CATSPERE: variants seen among roughly 807,000 people sequenced by gnomAD.
CATSPERE encodes the protein catsper channel auxiliary subunit epsilon, also known as cation channel sperm-associated auxiliary subunit epsilon.
In CATSPERE, 93 loss-of-function variants were observed where a neutral mutation model predicts 114.1. The ratio of observed to expected loss-of-function variants is 0.81; its 90% CI spans 0.69 to 0.97. The LOEUF is 0.97. CATSPERE is among the 50% of genes least tolerant of loss of function. The pLI is 0.00. For synonymous variants in CATSPERE, 341 were observed against 384.1 expected, an observed-to-expected ratio of 0.89 and a Z score of 1.31; for missense variants, 1,058 against 1,131.6, an observed-to-expected ratio of 0.93 and a Z score of 0.93.
At chr1:244,524,143 T>C (rs1370818729) in intron 8 of CATSPERE, among the ~76,000 whole-genome samples, 2 of 148,966 alleles carry the variant, frequency 1.3e-5, no homozygotes, top group Non-Finnish European at 2.9e-5. Flanking sequence ...AACAGAGATA[T>C]AGATCAATGG....
At chr1:244,529,414 C>A (rs1679241957) in intron 8 of CATSPERE, among the ~76,000 whole-genome samples, 1 of 152,174 alleles carries the variant, frequency 6.6e-6, no homozygotes, top group Admixed American at 6.5e-5. Context: ...CTCTAATGAT[C>A]AGTGATGTTG....
At chr1:244,483,900 T>C (rs1670619670) in intron 5 of CATSPERE, among the ~76,000 whole-genome samples, 1 of 152,134 alleles carries the variant, frequency 6.6e-6, no homozygotes, top group Admixed American at 6.5e-5. Flanking sequence ...ATCATAAGGA[T>C]TTCTCCTATA....
chr1:244,577,476 G>A (rs1306918949), intron 11 of CATSPERE, among the ~76,000 whole-genome samples: 1 of 152,234 alleles, frequency 6.6e-6, no homozygotes, highest in East Asian at 1.9e-4. Context: ...CAAACCAGGT[G>A]GCTTATAACA....
upstream of CATSPERE, chr1:244,451,627 C>T (rs1193715793): frequency 6.2e-7 from 1 of 1,605,596 alleles, no homozygotes; most frequent in South Asian, 1.1e-5. The surrounding 1 kb of genome is among the most constrained non-coding windows in gnomAD (Gnocchi z 6.6). Flanking sequence ...GAGGCCCCGT[C>T]GCCTCACCTG....
intron 10 of CATSPERE, among the ~76,000 whole-genome samples, chr1:244,565,527 T>G (rs1217526383): frequency 6.6e-6 from 1 of 152,180 alleles, no homozygotes; most frequent in African/African-American, 2.4e-5. Flanking sequence ...TTTTCTAGTT[T>G]GTTTGCATGG....
In CATSPERE at chr1:244,489,631, C is replaced by T. The variant is rs192072473; in HGVS notation, c.327-816C>T. ...CTATGTGCAGGAGTGATGTAGGTTG[C>T]AGGTCTGCTTGTCATTTTCCAGTGG... On this transcript the variant is annotated intron_variant, in intron 5 of 21. Transcript: ENST00000366534. Among the ~76,000 whole-genome samples the T allele has an allele frequency of 3.6e-4, 55 of 151,832 alleles. No individual in the cohort carries two copies. In the East Asian group the frequency reaches 7.4e-3, roughly 20 times the overall value.
chr1:244,474,529 A>T (rs1305035933), intron 2 of CATSPERE, among the ~76,000 whole-genome samples: 1 of 151,438 alleles, frequency 6.6e-6, no homozygotes, highest in East Asian at 1.9e-4. Context: ...TTGATCAAAT[A>T]TTTGATTATA....
Position 244,575,115 on chromosome 1 carries a change from C to T in CATSPERE, c.1950+2343C>T, listed in dbSNP as rs1041302834. On this transcript the variant is annotated intron_variant, in intron 11 of 21. Coordinates refer to ENST00000366534, the MANE Select transcript of CATSPERE (RefSeq NM_001130957.2). The surrounding 1 kb of genome is among the most constrained non-coding windows in gnomAD (Gnocchi z 4.5). ...GCCAGGCAATGGCATGGGCCCTGCC[C>T]CAGAGCATGTGCCGCCATCTGTCTC... is the stretch of plus-strand genomic sequence containing the variant. Among the ~76,000 whole-genome samples the T allele has an allele frequency of 6.6e-6, 1 of 152,204 alleles. No homozygotes were observed. The highest frequency in any genetic ancestry group is 2.1e-4 in the South Asian group (1 of 4,834).
chr1:244,636,299 G>GT (rs58917371), intron 21 of CATSPERE, among the ~76,000 whole-genome samples: 8,435 of 151,848 alleles, frequency 0.056, 806 homozygotes, highest in African/African-American at 0.19. Flanking sequence ...TGTTTGATGG[G>GT]TTTTTTTTGC....
chr1:244,583,988 AGGCG>A (rs1558541435), intron 13 of CATSPERE, 49 bp downstream of exon 13: 1 of 1,526,756 alleles, frequency 6.5e-7, no homozygotes, highest in East Asian at 2.3e-5. Context: ...AAGAATGTAT[AGGCG>A]GTCAACCAAA....
upstream of CATSPERE, chr1:244,451,870 G>A: frequency 6.7e-7 from 1 of 1,488,086 alleles, no homozygotes; most frequent in Non-Finnish European, 8.9e-7. This position sits in a 1 kb window ranked among gnomAD's most constrained non-coding sequence, Gnocchi z 6.6. Flanking sequence ...CGAGGAGTGA[G>A]CGAACTGAAC....
chr1:244,567,638 G>C (rs1430102000), intron 10 of CATSPERE, among the ~76,000 whole-genome samples: 1 of 151,082 alleles, frequency 6.6e-6, no homozygotes, highest in Non-Finnish European at 1.5e-5. Context: ...GATCGATTTG[G>C]CTATTGATAC....
intron 1 of CATSPERE, among the ~76,000 whole-genome samples, chr1:244,462,637 A>G (rs565681057): frequency 6.6e-6 from 1 of 152,348 alleles, no homozygotes; most frequent in Admixed American, 6.5e-5. Context: ...TCACACTTCA[A>G]AAAAAGCCTT....
chr1:244,609,358 CTTTT>C (rs796211656), intron 18 of CATSPERE, among the ~76,000 whole-genome samples: 1 of 142,712 alleles, frequency 7.0e-6, no homozygotes. Context: ...TTATCACTTC[CTTTT>C]TTTTTTTTTA....
chr1:244,492,740 A>G (rs1276492254), intron 6 of CATSPERE, among the ~76,000 whole-genome samples: 8 of 149,602 alleles, frequency 5.3e-5, no homozygotes, highest in Non-Finnish European at 6.0e-5. Context: ...AAGCAACTTC[A>G]GCAAAGTCTC....
intron 12 of CATSPERE, among the ~76,000 whole-genome samples, chr1:244,583,126 G>A (rs1235165269): frequency 6.6e-6 from 1 of 151,884 alleles, no homozygotes; most frequent in African/African-American, 2.4e-5. Context: ...GGATATTTAT[G>A]GTTTTGTGGA....
At chr1:244,459,134 G>A (rs1055411685), upstream of CATSPERE, among the ~76,000 whole-genome samples, 14 of 148,588 alleles carry the variant, frequency 9.4e-5, no homozygotes, top group African/African-American at 2.2e-4. Flanking sequence ...GCTGGAGTTC[G>A]GTGGCTCAGT....
chr1:244,526,815 G>T (rs1433864438), intron 8 of CATSPERE, among the ~76,000 whole-genome samples: 1 of 152,054 alleles, frequency 6.6e-6, no homozygotes, highest in African/African-American at 2.4e-5. Context: ...GCCAGCCTGA[G>T]AAATAAAGGG....
rs1490913523 is a variant in CATSPERE at position 244,639,992 on chromosome 1, G to C, written c.2767G>C (p.Val923Leu). The C allele has an allele frequency of 3.2e-6, 5 of 1,545,406 alleles. No homozygotes were observed. The highest frequency in any genetic ancestry group is 4.4e-6 in the Non-Finnish European group (5 of 1,145,318). ...VLMLLFFTIL[V>L]LSYFRYMRIY... ...GATGCTGCTCTTCTTCACTATTCTT[G>C]TTTTGAGCTACTTTCGGTACATGAG... The change falls in exon 22 of 22, where the codon GTT (valine) becomes CTT (leucine). Residue 923 changes from valine to leucine, a missense_variant. Val to Leu is a conservative substitution (Grantham distance 32). Coordinates refer to ENST00000366534, the MANE Select transcript of CATSPERE (RefSeq NM_001130957.2).
Sources: gnomAD v4.1 joint callset for allele counts (sites outside exome capture counted in the v4.1 genomes callset) on GRCh38, gnomAD v4.1.1 for gene constraint, Gnocchi (gnomAD v3.1) non-coding constraint, MANE v1.5 for transcripts, NCBI Gene and HGNC (gene_info 2026-07-23, HGNC 2026-07-21) for gene names.